ELAVL4: variants seen among roughly 807,000 people sequenced by gnomAD.
ELAVL4 encodes the protein ELAV like RNA binding protein 4.
In ELAVL4, 1 loss-of-function variant was observed where a neutral mutation model predicts 35.6. That is an observed-to-expected ratio of 0.03 (90% CI 0.01 to 0.13). The LOEUF is 0.13. ELAVL4 is among the 10% of genes least tolerant of loss of function. The probability of loss-of-function intolerance (pLI) is 1.00; values close to 1 mark genes in which losing one functional copy is unlikely to be tolerated. For synonymous variants in ELAVL4, 156 were observed against 171.0 expected, an observed-to-expected ratio of 0.91 and a Z score of 0.69; for missense variants, 267 against 464.9, an observed-to-expected ratio of 0.57 and a Z score of 3.91.
chr1:50,189,452 G>A (rs575090752), intron 3 of ELAVL4, among the ~76,000 whole-genome samples: 7 of 152,340 alleles, frequency 4.6e-5, no homozygotes, highest in African/African-American at 1.7e-4. Flanking sequence ...TTTGGAAAGT[G>A]GAAAGTACTT....
At chr1:50,073,367 T>A (rs1664617925) in intron 1 of ELAVL4, among the ~76,000 whole-genome samples, 1 of 152,276 alleles carries the variant, frequency 6.6e-6, no homozygotes, top group South Asian at 2.1e-4. Flanking sequence ...TTTATTATTT[T>A]AAAAAATCCT....
chr1:50,108,208 A>G (rs1322561482), upstream of ELAVL4, among the ~76,000 whole-genome samples: 1 of 152,198 alleles, frequency 6.6e-6, no homozygotes, highest in East Asian at 1.9e-4. Context: ...GTAGAGGCTG[A>G]CAGCTGCCCC....
intron 1 of ELAVL4, among the ~76,000 whole-genome samples, chr1:50,060,742 G>A (rs980636550): frequency 1.3e-5 from 2 of 152,170 alleles, no homozygotes; most frequent in East Asian, 1.9e-4. Flanking sequence ...GGCACAGTGA[G>A]CCTATGTCTC....
chr1:50,156,408 T>TTGATGAGA (rs1245592556), intron 2 of ELAVL4, among the ~76,000 whole-genome samples: 27 of 152,260 alleles, frequency 1.8e-4, no homozygotes, highest in African/African-American at 6.5e-4. Context: ...ATCTCGTAAC[T>TTGATGAGA]CCTAACCACT....
chr1:50,163,410 A>C (rs1347466132), intron 2 of ELAVL4, among the ~76,000 whole-genome samples: 1 of 152,196 alleles, frequency 6.6e-6, no homozygotes, highest in African/African-American at 2.4e-5. Flanking sequence ...CAAGATTGTC[A>C]TTCTATGATG....
chr1:50,102,781 A>T (rs1331887292), upstream of ELAVL4, among the ~76,000 whole-genome samples: 1 of 152,200 alleles, frequency 6.6e-6, no homozygotes, highest in East Asian at 1.9e-4. Context: ...AAATCCCTTA[A>T]TGCAGGGATC....
chr1:50,176,856 T>G (rs1350123118), intron 2 of ELAVL4, among the ~76,000 whole-genome samples: 1 of 152,222 alleles, frequency 6.6e-6, no homozygotes, highest in East Asian at 1.9e-4. Context: ...AGTTTTAGCT[T>G]GCACAGCTCC....
chr1:50,186,145 A>G (rs1681794508), intron 3 of ELAVL4, among the ~76,000 whole-genome samples: 2 of 152,234 alleles, frequency 1.3e-5, no homozygotes, highest in South Asian at 2.1e-4. Context: ...TGTCTGGCCT[A>G]CTAGGTGCCA....
At chr1:50,147,653 T>A (rs1314645729) in intron 2 of ELAVL4, among the ~76,000 whole-genome samples, 1 of 152,164 alleles carries the variant, frequency 6.6e-6, no homozygotes, top group African/African-American at 2.4e-5. Flanking sequence ...GTAAATGACA[T>A]CATGGGTATT....
At chr1:50,066,263 G>A (rs939917170) in intron 1 of ELAVL4, among the ~76,000 whole-genome samples, 3 of 152,150 alleles carry the variant, frequency 2.0e-5, no homozygotes, top group African/African-American at 7.2e-5. Context: ...TGTGAGTTAA[G>A]GATGTTTTAG....
At chr1:50,147,396 G>A (rs1673911675) in intron 2 of ELAVL4, among the ~76,000 whole-genome samples, 1 of 152,140 alleles carries the variant, frequency 6.6e-6, no homozygotes, top group African/African-American at 2.4e-5. Context: ...AGTCCCTGCT[G>A]TACCATTCCA....
chr1:50,161,843 G>C (rs74079124), intron 2 of ELAVL4, among the ~76,000 whole-genome samples: 2,283 of 152,322 alleles, frequency 0.015, 53 homozygotes, highest in African/African-American at 0.05. Context: ...TCCTGCCTCA[G>C]CCTCCCAAAG....
chr1:50,201,248 C>T lies in ELAVL4; in HGVS notation c.*70C>T. 6.9e-7 allele frequency: 1 copy of T among 1,440,508 alleles called. No homozygotes were observed. Among genetic ancestry groups the T allele is most frequent in the East Asian group, 2.5e-5 (1 of 39,754 alleles). The allele number at this position is 1,440,508 out of a possible 1,614,324, so 89.2% of individuals were successfully genotyped here. On this transcript the variant is annotated 3_prime_UTR_variant, in exon 7 of 7. Coordinates refer to ENST00000371824, the MANE Select transcript of ELAVL4 (RefSeq NM_001144774.3). This position sits in a 1 kb window ranked among gnomAD's most constrained non-coding sequence, Gnocchi z 4.3. The stretch of plus-strand genomic sequence containing the variant: ...AACAAAACACACGCGCGCACACACA[C>T]ACATACACGAAAGAGAGAGAAACAA...
At chr1:50,156,077 A>T (rs1283928490) in intron 2 of ELAVL4, among the ~76,000 whole-genome samples, 1 of 152,052 alleles carries the variant, frequency 6.6e-6, no homozygotes, top group Non-Finnish European at 1.5e-5. Flanking sequence ...TCTGGCAGGC[A>T]TGTGCGCACG....
At chr1:50,110,005 G>A in intron 1 of ELAVL4, 3 of 650,142 alleles carry the variant, frequency 4.6e-6, no homozygotes, top group South Asian at 4.5e-5. Flanking sequence ...TCCCAGCCCT[G>A]TGTGTGTGTG....
rs539356110 is a variant in ELAVL4, at chr1:50,196,100, C to T, written c.734+314C>T. Among the ~76,000 whole-genome samples the T allele has an allele frequency of 1.7e-4, 26 of 152,320 alleles. No individual in the cohort carries two copies. The South Asian group carries it at 4.6e-3, about 27-fold the overall frequency. Reference sequence around the variant, plus strand: ...ACAAGAGTTAATCACAGATCAGTGACCACATTCAGCAGATTAGACTTAAGG... The same window carrying T: ...ACAAGAGTTAATCACAGATCAGTGATCACATTCAGCAGATTAGACTTAAGG... On this transcript the variant is annotated intron_variant, in intron 5 of 6. Transcript: ENST00000371824.
In ELAVL4 at chr1:50,175,077, A is replaced by T. The variant is rs1278550658; in HGVS notation, c.251-2012A>T. ...GGTTTATCATTGAGATAATTGTTTTAAAAATATCCTTTAAAAGCAGCTCAA... is the reference window on the plus strand; with the variant it reads ...GGTTTATCATTGAGATAATTGTTTTTAAAATATCCTTTAAAAGCAGCTCAA... On this transcript the variant is annotated intron_variant, in intron 2 of 6. Transcript: ENST00000371824. 3.9e-5 allele frequency among the ~76,000 whole-genome samples: 6 copies of T among 152,318 alleles called. No individual in the cohort carries two copies. The South Asian group carries it at 8.3e-4, about 21-fold the overall frequency.
intron 1 of ELAVL4, among the ~76,000 whole-genome samples, chr1:50,066,987 T>C (rs568225014): frequency 8.5e-5 from 13 of 152,084 alleles, no homozygotes; most frequent in Non-Finnish European, 1.8e-4. Context: ...AGAGTGAATA[T>C]CATGTGTTGA....
chr1:50,090,268 T>C (rs553351508), intron 1 of ELAVL4, among the ~76,000 whole-genome samples: 13 of 152,268 alleles, frequency 8.5e-5, no homozygotes, highest in African/African-American at 3.1e-4. Context: ...GACTAGTCCT[T>C]GAAAAAATCC....
Sources: allele counts gnomAD v4.1 joint callset (sites outside exome capture counted in the v4.1 genomes callset), GRCh38; gene constraint gnomAD v4.1.1; non-coding constraint Gnocchi (gnomAD v3.1); transcripts MANE v1.5; gene names NCBI Gene and HGNC (gene_info 2026-07-23, HGNC 2026-07-21).